The following FGD4 variants were observed in gnomAD, a reference collection of about 807,000 sequenced individuals.
FGD4 encodes the protein FYVE, RhoGEF and PH domain-containing protein 4.
A neutral mutation model predicts 102.0 loss-of-function variants in FGD4; 42 were observed. That is an observed-to-expected ratio of 0.41 (90% CI 0.32 to 0.53). The LOEUF (loss-of-function observed/expected upper bound fraction) is 0.53, where lower values mean the gene tolerates loss of function less well. Ranked by LOEUF, FGD4 falls within the 20% of genes least tolerant of loss-of-function variation. The probability of loss-of-function intolerance (pLI) is 0.21; values close to 1 mark genes in which losing one functional copy is unlikely to be tolerated. For missense variants in FGD4, 902 were observed against 1,078.2 expected (o/e 0.84, Z 2.29); for synonymous variants, 380 against 375.7 (o/e 1.01, Z -0.13).
intron 1 of FGD4, among the ~76,000 whole-genome samples, chr12:32,543,917 G>A (rs1459877752): frequency 3.3e-5 from 5 of 151,894 alleles, no homozygotes; most frequent in South Asian, 2.1e-4. Flanking sequence ...GTGAGCCACC[G>A]CACCCAGCCG....
At chr12:32,614,128 T>C (rs775315618) in intron 10 of FGD4, among the ~76,000 whole-genome samples, 5 of 152,256 alleles carry the variant, frequency 3.3e-5, no homozygotes, top group South Asian at 4.1e-4. Context: ...AGACATCTCA[T>C]TGGGGTTCAT....
At chr12:32,570,110 G>A (rs565172830) in intron 2 of FGD4, among the ~76,000 whole-genome samples, 1 of 152,050 alleles carries the variant, frequency 6.6e-6, no homozygotes, top group East Asian at 2.0e-4. Flanking sequence ...CGTGGGTGGT[G>A]CGTACCTGTA....
intron 1 of FGD4, among the ~76,000 whole-genome samples, chr12:32,558,385 T>C (rs565041835): frequency 6.6e-6 from 1 of 152,258 alleles, no homozygotes; most frequent in South Asian, 2.1e-4. Context: ...GTGGACCCCA[T>C]TGAGATCTCC....
At chr12:32,568,240 T>G (rs896983966) in intron 2 of FGD4, among the ~76,000 whole-genome samples, 1 of 152,238 alleles carries the variant, frequency 6.6e-6, no homozygotes, top group Non-Finnish European at 1.5e-5. Context: ...GAAAGAAAGA[T>G]AAATTTTAGA....
At chr12:32,633,973 G>A (rs1418863452) in intron 15 of FGD4, among the ~76,000 whole-genome samples, 4 of 152,216 alleles carry the variant, frequency 2.6e-5, no homozygotes, top group Non-Finnish European at 5.9e-5. Flanking sequence ...ATGAGCCAAC[G>A]CACCCCAGCC....
intron 1 of FGD4, among the ~76,000 whole-genome samples, chr12:32,562,506 C>G (rs1944698511): frequency 6.6e-6 from 1 of 152,142 alleles, no homozygotes; most frequent in Non-Finnish European, 1.5e-5. Context: ...GGAAGGTCAG[C>G]AGATAAACAA....
In FGD4 at chr12:32,480,662, A is replaced by G. The variant is rs549719100; in HGVS notation, c.166+80703A>G. On this transcript the variant is annotated intron_variant, in intron 1 of 16. Transcript: ENST00000534526. ...ATTACAGGCACGCACCACCATGGCC[A>G]GCTAATTTTTGTATTTTTAGTAGAG... Among the ~76,000 whole-genome samples, 10 of 150,352 alleles carry G rather than the reference A, an allele frequency of 6.7e-5. No individual in the cohort carries two copies. In the East Asian group the frequency reaches 8.0e-4, roughly 12 times the overall value.
At chr12:32,561,069 G>GTTTTTT (rs1565841408) in intron 1 of FGD4, among the ~76,000 whole-genome samples, 41 of 91,998 alleles carry the variant, frequency 4.5e-4, no homozygotes, top group Middle Eastern at 6.0e-3. Flanking sequence ...TTCTTTGTTG[G>GTTTTTT]GTTTTGTTTT....
chr12:32,621,923 T>C lies in FGD4; in HGVS notation c.1922+2053T>C, dbSNP rs192185918. ...TTTTTTTGGAGACAGAGTCTCACTC[T>C]GTTGCCCAGGCTGGAGTGCAATGGC... On this transcript the variant is annotated intron_variant, in intron 11 of 16. Transcript: ENST00000534526. Among the ~76,000 whole-genome samples the C allele has an allele frequency of 1.4e-4, 22 of 151,840 alleles. No individual in the cohort carries two copies. In the East Asian group the frequency reaches 4.3e-3, roughly 29 times the overall value.
intron 3 of FGD4, among the ~76,000 whole-genome samples, chr12:32,581,727 TCCC>T (rs1946632405): frequency 6.6e-6 from 1 of 152,160 alleles, no homozygotes; most frequent in African/African-American, 2.4e-5. Flanking sequence ...AATGTTCCAG[TCCC>T]CATAGGTAGA....
At position 32,625,728 on chromosome 12, in the gene FGD4, A is replaced by T; in HGVS notation, c.2121A>T (p.Glu707Asp). ...TGACAATGTGTATGAAATGTAAAGAACCTTTCAATGCACTGACACGAAGGA... is the reference window on the plus strand; with the variant it reads ...TGACAATGTGTATGAAATGTAAAGATCCTTTCAATGCACTGACACGAAGGA... ...NEVTMCMKCK[E>D]PFNALTRRRH... The change falls in exon 14 of 17, where the codon GAA becomes GAT. Residue 707 changes from glutamate (E) to aspartate (D), a missense_variant. Physicochemically the swap from Glu to Asp is conservative, Grantham distance 45 (BLOSUM62 2). Around this residue, in one of 2 missense-constraint regions of FGD4, gnomAD observed 459 missense variants for 619.0 expected, o/e 0.74. Transcript: ENST00000534526. The T allele has an allele frequency of 6.2e-7, 1 of 1,614,080 alleles. No individual in the cohort carries two copies. The highest frequency in any genetic ancestry group is 8.5e-7 in the Non-Finnish European group (1 of 1,180,006).
chr12:32,592,005 C>T lies in FGD4; in HGVS notation c.1012-6492C>T, dbSNP rs77385727. 7.5e-3 allele frequency among the ~76,000 whole-genome samples: 1,137 copies of T among 152,182 alleles called. 10 individuals are homozygous for T. The highest frequency in any genetic ancestry group is 0.026 in the African/African-American group (1,079 of 41,528). ...CCTCTTGTGTATTTTTATTTTGAGG[C>T]AATACTCTGGGAATCACCTTTCAAT... On this transcript the variant is annotated intron_variant, in intron 4 of 16. Coordinates refer to ENST00000534526, the MANE Select transcript of FGD4 (RefSeq NM_001370298.3).
At chr12:32,557,725 T>A (rs1944236795) in intron 1 of FGD4, among the ~76,000 whole-genome samples, 1 of 152,206 alleles carries the variant, frequency 6.6e-6, no homozygotes, top group African/African-American at 2.4e-5. Flanking sequence ...CAAATAAATT[T>A]CCTGGCTATG....
chr12:32,439,804 T>C (rs1942366934), intron 1 of FGD4, among the ~76,000 whole-genome samples: 1 of 152,198 alleles, frequency 6.6e-6, no homozygotes, highest in South Asian at 2.1e-4. Flanking sequence ...CCAATAACTT[T>C]TAGATTTGCC....
intron 1 of FGD4, among the ~76,000 whole-genome samples, chr12:32,458,347 G>T (rs1330221468): frequency 6.6e-6 from 1 of 151,056 alleles, no homozygotes; most frequent in African/African-American, 2.4e-5. Context: ...TGTGTCTTTT[G>T]TGTTTTTTTT....
At chr12:32,520,081 A>G (rs758844910) in intron 1 of FGD4, among the ~76,000 whole-genome samples, 4 of 152,232 alleles carry the variant, frequency 2.6e-5, no homozygotes, top group Non-Finnish European at 5.9e-5. Context: ...AAACCTTTGT[A>G]TAACTGGTAG....
chr12:32,534,486 T>C, intron 1 of FGD4: 1 of 1,513,258 alleles, frequency 6.6e-7, no homozygotes, highest in Non-Finnish European at 8.8e-7. Flanking sequence ...TGAAATCATG[T>C]CCACTGATCA....
intron 1 of FGD4, among the ~76,000 whole-genome samples, chr12:32,418,291 CCTGGATGGT>C (rs1242747208): frequency 6.6e-6 from 1 of 152,084 alleles, no homozygotes; most frequent in African/African-American, 2.4e-5. Context: ...GTCATGTTTT[CCTGGATGGT>C]CTTCATCCTT....
intron 1 of FGD4, among the ~76,000 whole-genome samples, chr12:32,410,006 CA>C (rs35504493): frequency 0.56 from 60,421 of 108,852 alleles, 14,202 homozygotes; most frequent in African/African-American, 0.65. Flanking sequence ...TCTTGTCTCT[CA>C]AAAAAAAAAA....
Sources: gnomAD v4.1 joint callset for allele counts (sites outside exome capture counted in the v4.1 genomes callset) on GRCh38, gnomAD v4.1.1 for gene constraint, gnomAD v4.1.1 regional missense constraint, MANE v1.5 for transcripts, NCBI Gene and HGNC (gene_info 2026-07-23, HGNC 2026-07-21) for gene names.